The following DMD variants were observed in gnomAD, a reference collection of about 807,000 sequenced individuals.
DMD encodes dystrophin.
Under a neutral mutation model 330.1 loss-of-function variants are expected in DMD, and 63 were observed. That is an observed-to-expected ratio of 0.19 (90% CI 0.16 to 0.24). DMD has a LOEUF of 0.24. Ranked by LOEUF, DMD falls within the 10% of genes least tolerant of loss-of-function variation. The probability of loss-of-function intolerance (pLI) is 1.00; values close to 1 mark genes in which losing one functional copy is unlikely to be tolerated. For synonymous variants in DMD, 1,223 were observed against 959.8 expected, an observed-to-expected ratio of 1.27 and a Z score of -5.07; for missense variants, 3,344 against 2,684.1, an observed-to-expected ratio of 1.25 and a Z score of -5.43.
At chrX:31,943,512 A>G (rs2095035237) in intron 45 of DMD, among the ~76,000 whole-genome samples, 1 of 112,016 alleles carries the variant, frequency 8.9e-6, no homozygotes, top group Non-Finnish European at 1.9e-5. Context: ...CCTTAGAATC[A>G]AACATGGAAA....
At chrX:32,064,359 A>G (rs1375581674) in intron 44 of DMD, among the ~76,000 whole-genome samples, 1 of 111,184 alleles carries the variant, frequency 9.0e-6, no homozygotes, top group Non-Finnish European at 1.9e-5. Flanking sequence ...TTTCTCTGTT[A>G]TATCTAAGTG....
At chrX:31,811,550 C>T (rs2092456671) in intron 50 of DMD, among the ~76,000 whole-genome samples, 1 of 111,875 alleles carries the variant, frequency 8.9e-6, no homozygotes, top group African/African-American at 3.3e-5. Flanking sequence ...GCTCCAAGGC[C>T]TTGCAGTATC....
intron 60 of DMD, among the ~76,000 whole-genome samples, chrX:31,421,972 TACAC>T (rs1395781111): frequency 1.4e-5 from 1 of 72,656 alleles, no homozygotes. Context: ...CATATATATA[TACAC>T]ATATATATAT....
chrX:32,056,778 G>A (rs1922764280), intron 44 of DMD, among the ~76,000 whole-genome samples: 1 of 110,731 alleles, frequency 9.0e-6, no homozygotes, highest in Non-Finnish European at 1.9e-5. Context: ...TTCTACAAGG[G>A]GCATCAGTAT....
At chrX:32,723,678 A>G (rs1429349992) in intron 7 of DMD, among the ~76,000 whole-genome samples, 1 of 111,180 alleles carries the variant, frequency 9.0e-6, no homozygotes. Context: ...CCATACCAAA[A>G]CAGTTATTAT....
At chrX:32,857,689 A>G (rs185625386) in intron 2 of DMD, among the ~76,000 whole-genome samples, 3 of 112,003 alleles carry the variant, frequency 2.7e-5, no homozygotes, top group East Asian at 5.6e-4. Context: ...ACTGCTGTTT[A>G]TTCAAAAAGA....
chrX:31,502,543 TATA>T (rs1288004037), intron 56 of DMD, among the ~76,000 whole-genome samples: 2 of 111,462 alleles, frequency 1.8e-5, no homozygotes, highest in African/African-American at 3.3e-5. Flanking sequence ...CTACAGACTA[TATA>T]ATGTCAGTGT....
intron 44 of DMD, among the ~76,000 whole-genome samples, chrX:32,177,296 C>T (rs1011357759): frequency 4.5e-5 from 5 of 112,067 alleles, no homozygotes; most frequent in Admixed American, 1.9e-4. Flanking sequence ...CTGACAACCA[C>T]GTGACAAAGC....
chrX:31,456,071 C>T (rs961434299), intron 59 of DMD, among the ~76,000 whole-genome samples: 3 of 110,901 alleles, frequency 2.7e-5, no homozygotes, highest in African/African-American at 9.8e-5. Flanking sequence ...CTCTCTCTCT[C>T]TCTCTCTCTC....
chrX:32,448,651 G>T lies in DMD; in HGVS notation c.3604-13C>A, dbSNP rs903393566. The stretch of plus-strand genomic sequence containing the variant: ...CTTCTTTAGCTCTCTGAAAAATAAA[G>T]AATGCTCTCTTAATAGCATGAAAAT... On this transcript the variant is annotated splice_polypyrimidine_tract_variant and intron_variant, in intron 26 of 78. Transcript: ENST00000357033. 4 of 1,189,748 alleles carry T rather than the reference G, an allele frequency of 3.4e-6. No individual in the cohort carries two copies. The highest frequency in any genetic ancestry group is 4.5e-6 in the Non-Finnish European group (4 of 881,261).
intron 60 of DMD, among the ~76,000 whole-genome samples, chrX:31,350,109 C>G (rs765345685): frequency 9.0e-6 from 1 of 111,257 alleles, no homozygotes; most frequent in Admixed American, 9.6e-5. Context: ...GCATGAGGGA[C>G]ATATCAAACC....
At chrX:31,198,242 A>G (rs1276836000) in intron 67 of DMD, among the ~76,000 whole-genome samples, 1 of 111,432 alleles carries the variant, frequency 9.0e-6, no homozygotes, top group Non-Finnish European at 1.9e-5. Context: ...GGGTCTCACT[A>G]TGCTGTCCAT....
At chrX:32,889,761 T>C (rs1034077191) in intron 2 of DMD, among the ~76,000 whole-genome samples, 6 of 111,079 alleles carry the variant, frequency 5.4e-5, no homozygotes, top group African/African-American at 2.0e-4. Context: ...CTGTAAGAAC[T>C]AATGATAATC....
At chrX:32,742,809 A>T (rs1180270345) in intron 7 of DMD, among the ~76,000 whole-genome samples, 1 of 112,203 alleles carries the variant, frequency 8.9e-6, no homozygotes, top group Non-Finnish European at 1.9e-5. Flanking sequence ...CGAAATTTTC[A>T]TGTTCTCTTC....
At chrX:32,331,513 A>T (rs1448767519) in intron 41 of DMD, among the ~76,000 whole-genome samples, 1 of 111,635 alleles carries the variant, frequency 9.0e-6, no homozygotes, top group African/African-American at 3.2e-5. Context: ...TTTTGCAGTC[A>T]ATATTTCCTG....
At chrX:33,268,837 G>A (rs1281393422) in intron 1 of DMD, among the ~76,000 whole-genome samples, 1 of 100,461 alleles carries the variant, frequency 1.0e-5, no homozygotes, top group Non-Finnish European at 2.0e-5. Context: ...TGCAGCATGA[G>A]AATCATTTGA....
At chrX:31,559,926 A>G (rs954978238) in intron 55 of DMD, among the ~76,000 whole-genome samples, 9 of 112,092 alleles carry the variant, frequency 8.0e-5, no homozygotes, top group African/African-American at 2.3e-4. Flanking sequence ...GCTGCCTGGT[A>G]GTCCCTGACA....
intron 2 of DMD, among the ~76,000 whole-genome samples, chrX:32,933,805 C>G (rs773201873): frequency 1.8e-5 from 2 of 111,662 alleles, no homozygotes; most frequent in South Asian, 3.8e-4. Context: ...CTAAATACCC[C>G]CTGGTCCTAA....
chrX:32,059,538 G>A (rs895048239), intron 44 of DMD, among the ~76,000 whole-genome samples: 2 of 111,888 alleles, frequency 1.8e-5, no homozygotes, highest in East Asian at 5.6e-4. Context: ...GTGTATCAAC[G>A]GCAGTGTGAG....
Sources: allele counts gnomAD v4.1 joint callset (sites outside exome capture counted in the v4.1 genomes callset), GRCh38; gene constraint gnomAD v4.1.1; transcripts MANE v1.5; gene names NCBI Gene and HGNC (gene_info 2026-07-23, HGNC 2026-07-21).